Variants in SLIT2 observed in about 807,000 individuals in gnomAD.
SLIT2 encodes the protein slit homolog 2 protein.
SLIT2 carries 41 observed loss-of-function variants against 185.7 expected under a neutral mutation model. The ratio of observed to expected loss-of-function variants is 0.22; its 90% CI spans 0.17 to 0.29. The LOEUF is 0.29. SLIT2 is among the 10% of genes least tolerant of loss of function. The pLI is 1.00. For missense variants in SLIT2, 1,571 were observed against 1,909.0 expected (o/e 0.82, Z 3.30); for synonymous variants, 693 against 680.2 (o/e 1.02, Z -0.29).
At chr4:20,319,588 C>G (rs1285078022) in intron 4 of SLIT2, among the ~76,000 whole-genome samples, 1 of 152,058 alleles carries the variant, frequency 6.6e-6, no homozygotes, top group Non-Finnish European at 1.5e-5. Context: ...ATTTGTGTGG[C>G]TTTTAAGTAA....
chr4:20,466,399 T>C (rs1714357231), intron 4 of SLIT2, among the ~76,000 whole-genome samples: 1 of 152,186 alleles, frequency 6.6e-6, no homozygotes, highest in African/African-American at 2.4e-5. Flanking sequence ...AAGGCTGCCT[T>C]AACTCCTACA....
intron 4 of SLIT2, among the ~76,000 whole-genome samples, chr4:20,423,367 G>A (rs911818333): frequency 6.7e-6 from 1 of 148,812 alleles, no homozygotes; most frequent in Non-Finnish European, 1.5e-5. Context: ...CAACATCCCC[G>A]AATATTTACC....
chr4:20,575,088 TC>T (rs1389435592), intron 29 of SLIT2, among the ~76,000 whole-genome samples: 2 of 152,166 alleles, frequency 1.3e-5, no homozygotes, highest in African/African-American at 4.8e-5. Context: ...AAGGTCTGAG[TC>T]TATCTCAGAA....
intron 26 of SLIT2, among the ~76,000 whole-genome samples, chr4:20,564,487 T>C (rs1490911603): frequency 6.6e-6 from 1 of 151,940 alleles, no homozygotes; most frequent in African/African-American, 2.4e-5. Context: ...GGCTGCTATG[T>C]GGAATTTGTT....
chr4:20,353,691 A>G (rs1722067549), intron 4 of SLIT2, among the ~76,000 whole-genome samples: 1 of 152,222 alleles, frequency 6.6e-6, no homozygotes, highest in Non-Finnish European at 1.5e-5. Flanking sequence ...AGCTGCAGAT[A>G]GTGTCCCTTA....
At chr4:20,405,671 C>A (rs561691216) in intron 4 of SLIT2, among the ~76,000 whole-genome samples, 2 of 151,848 alleles carry the variant, frequency 1.3e-5, no homozygotes, top group Non-Finnish European at 2.9e-5. Flanking sequence ...CCATGGTGGC[C>A]ATAATGAAGC....
chr4:20,445,438 G>C (rs1711654523), intron 4 of SLIT2, among the ~76,000 whole-genome samples: 1 of 152,180 alleles, frequency 6.6e-6, no homozygotes, highest in South Asian at 2.1e-4. Flanking sequence ...CGTTTAAAAG[G>C]ATATATAGAG....
intron 4 of SLIT2, among the ~76,000 whole-genome samples, chr4:20,290,383 A>G (rs1462122742): frequency 6.6e-6 from 1 of 152,208 alleles, no homozygotes; most frequent in Non-Finnish European, 1.5e-5. Context: ...ACAGTATAAC[A>G]ACAATTTGCA....
chr4:20,417,524 A>G (rs192029157), intron 4 of SLIT2, among the ~76,000 whole-genome samples: 54 of 148,264 alleles, frequency 3.6e-4, no homozygotes, highest in African/African-American at 8.4e-4. Flanking sequence ...GTGTGTGTGT[A>G]TATATATATA....
chr4:20,439,781 A>G (rs1729612091), intron 4 of SLIT2, among the ~76,000 whole-genome samples: 2 of 152,168 alleles, frequency 1.3e-5, no homozygotes, highest in Non-Finnish European at 2.9e-5. Context: ...GAACCCGTAC[A>G]AAGATTTAGT....
intron 3 of SLIT2, among the ~76,000 whole-genome samples, chr4:20,267,058 G>T (rs968907136): frequency 2.0e-5 from 3 of 151,846 alleles, no homozygotes; most frequent in African/African-American, 7.3e-5. Flanking sequence ...GACAATGGAG[G>T]TCCTTCCAAG....
intron 4 of SLIT2, among the ~76,000 whole-genome samples, chr4:20,272,882 G>A (rs2109037301): frequency 6.6e-6 from 1 of 152,032 alleles, no homozygotes; most frequent in Middle Eastern, 3.4e-3. Flanking sequence ...GTGAGTTTTG[G>A]AGCGACTAAA....
intron 4 of SLIT2, among the ~76,000 whole-genome samples, chr4:20,345,119 C>T (rs1389179273): frequency 6.6e-6 from 1 of 152,014 alleles, no homozygotes; most frequent in Non-Finnish European, 1.5e-5. Flanking sequence ...TGTTTTAAAT[C>T]AAATTAAATT....
chr4:20,320,784 A>G (rs1021096967), intron 4 of SLIT2, among the ~76,000 whole-genome samples: 2 of 152,150 alleles, frequency 1.3e-5, no homozygotes, highest in African/African-American at 2.4e-5. Context: ...TCCAACTTCT[A>G]TCTCAAGCTT....
chr4:20,483,779 A>G (rs1716939929), intron 6 of SLIT2, among the ~76,000 whole-genome samples: 2 of 152,128 alleles, frequency 1.3e-5, no homozygotes, highest in South Asian at 4.1e-4. Context: ...AGTTGAGCAC[A>G]GAAATAGACT....
At chr4:20,536,397 A>G (rs1265854930) in intron 18 of SLIT2, among the ~76,000 whole-genome samples, 2 of 152,078 alleles carry the variant, frequency 1.3e-5, no homozygotes, top group Non-Finnish European at 2.9e-5. Flanking sequence ...TCTCTACTAA[A>G]AAATACAAAA....
intron 4 of SLIT2, among the ~76,000 whole-genome samples, chr4:20,439,905 T>C (rs1219999609): frequency 6.6e-6 from 1 of 152,222 alleles, no homozygotes; most frequent in Non-Finnish European, 1.5e-5. Flanking sequence ...AAAGACATCA[T>C]AGAGTTAAGA....
At chr4:20,303,669 G>A (rs1157436552) in intron 4 of SLIT2, among the ~76,000 whole-genome samples, 1 of 152,168 alleles carries the variant, frequency 6.6e-6, no homozygotes, top group Non-Finnish European at 1.5e-5. Context: ...CACAGCATCA[G>A]GCTTAAGTCA....
At chr4:20,447,414 A>C (rs1382631305) in intron 4 of SLIT2, among the ~76,000 whole-genome samples, 1 of 152,186 alleles carries the variant, frequency 6.6e-6, no homozygotes, top group Non-Finnish European at 1.5e-5. Context: ...GGACGCCCTG[A>C]GTTATAATAG....
Sources: allele counts gnomAD v4.1 joint callset (sites outside exome capture counted in the v4.1 genomes callset), GRCh38; gene constraint gnomAD v4.1.1; transcripts MANE v1.5; gene names NCBI Gene and HGNC (gene_info 2026-07-23, HGNC 2026-07-21).